Variants in NDUFS4 observed in about 807,000 individuals in gnomAD.
The protein encoded by NDUFS4 is NADH:ubiquinone oxidoreductase subunit S4.
NDUFS4 carries 28 observed loss-of-function variants against 24.3 expected under a neutral mutation model. That is an observed-to-expected ratio of 1.15 (90% CI 0.85 to 1.58). The LOEUF is 1.58. NDUFS4 is among the 40% of genes most tolerant of loss of function. The probability of loss-of-function intolerance (pLI) is 0.00; values close to 1 mark genes in which losing one functional copy is unlikely to be tolerated. For synonymous variants in NDUFS4, 93 were observed against 69.7 expected, an observed-to-expected ratio of 1.34 and a Z score of -1.67; for missense variants, 223 against 207.9, an observed-to-expected ratio of 1.07 and a Z score of -0.45.
intron 3 of NDUFS4, among the ~76,000 whole-genome samples, chr5:53,655,773 G>A (rs1752143707): frequency 6.6e-6 from 1 of 152,108 alleles, no homozygotes; most frequent in Admixed American, 6.5e-5. Flanking sequence ...TGCATCATTG[G>A]AGTGGATCTG....
chr5:53,592,864 T>C (rs62371563), intron 1 of NDUFS4, among the ~76,000 whole-genome samples: 4,619 of 152,312 alleles, frequency 0.03, 93 homozygotes, highest in African/African-American at 0.052. Flanking sequence ...CTTTTGTCTT[T>C]CCATATGAAT....
At position 53,585,723 on chromosome 5, in the gene NDUFS4, CAA is replaced by C. The variant is rs546564125; in HGVS notation, c.99-17728_99-17727del. On this transcript the variant is annotated intron_variant, in intron 1 of 4. Coordinates refer to ENST00000296684, the MANE Select transcript of NDUFS4 (RefSeq NM_002495.4). ...CGCCATTGCACTCCAGTGTGGGCAA[CAA>C]GAGCGTAACTCCGTCTCAAAAAAAA... 1.9e-4 allele frequency among the ~76,000 whole-genome samples: 28 copies of C among 148,752 alleles called. No individual in the cohort carries two copies. The South Asian group carries it at 5.7e-3, about 30-fold the overall frequency.
chr5:53,586,804 T>C (rs1749772677), intron 1 of NDUFS4, among the ~76,000 whole-genome samples: 1 of 152,084 alleles, frequency 6.6e-6, no homozygotes, highest in Non-Finnish European at 1.5e-5. Context: ...ATTACAGGCG[T>C]GAGCCACCGT....
intron 1 of NDUFS4, among the ~76,000 whole-genome samples, chr5:53,574,996 C>G (rs536582914): frequency 6.6e-6 from 1 of 152,288 alleles, no homozygotes; most frequent in African/African-American, 2.4e-5. Flanking sequence ...GAAGAACCCT[C>G]CTTCAGATTT....
At chr5:53,676,090 G>C (rs1046887286) in intron 4 of NDUFS4, among the ~76,000 whole-genome samples, 1 of 152,134 alleles carries the variant, frequency 6.6e-6, no homozygotes, top group East Asian at 1.9e-4. Context: ...TGATATAAGG[G>C]AGCCAGGCAA....
At chr5:53,583,563 T>C (rs1430168371) in intron 1 of NDUFS4, among the ~76,000 whole-genome samples, 1 of 152,228 alleles carries the variant, frequency 6.6e-6, no homozygotes, top group East Asian at 1.9e-4. Flanking sequence ...AAATAGAAGA[T>C]TATACATTCT....
intron 1 of NDUFS4, among the ~76,000 whole-genome samples, chr5:53,565,323 A>G (rs774546978): frequency 3.3e-5 from 5 of 152,264 alleles, no homozygotes; most frequent in Non-Finnish European, 4.4e-5. Context: ...ATAACAACCT[A>G]TGCTGACTCT....
intron 1 of NDUFS4, among the ~76,000 whole-genome samples, chr5:53,561,405 C>T (rs930033964): frequency 1.3e-5 from 2 of 152,036 alleles, no homozygotes; most frequent in South Asian, 4.1e-4. Context: ...TTGTTGAGGG[C>T]TCTTTGCGTC....
intron 2 of NDUFS4, among the ~76,000 whole-genome samples, chr5:53,642,263 C>G (rs1347654729): frequency 6.6e-6 from 1 of 152,050 alleles, no homozygotes; most frequent in Non-Finnish European, 1.5e-5. Flanking sequence ...AAAGGAGGTT[C>G]CTGTGGAGCA....
intron 4 of NDUFS4, 127 bp downstream of exon 4, chr5:53,658,751 T>C (rs1463338201): frequency 4.7e-6 from 3 of 635,912 alleles, no homozygotes; most frequent in South Asian, 2.0e-5. Flanking sequence ...ATCCAGTGGT[T>C]TCAGACTTTA....
intron 1 of NDUFS4, among the ~76,000 whole-genome samples, chr5:53,596,267 T>TAA (rs11432057): frequency 1.5e-4 from 23 of 150,216 alleles, no homozygotes; most frequent in East Asian, 9.9e-4. Flanking sequence ...CATATCCCTA[T>TAA]AAAAAAAAAC....
chr5:53,681,160 T>A (rs1402714025), intron 4 of NDUFS4, among the ~76,000 whole-genome samples: 1 of 152,120 alleles, frequency 6.6e-6, no homozygotes, highest in Non-Finnish European at 1.5e-5. Context: ...GTGCCTACTA[T>A]AAACCACAAG....
intron 1 of NDUFS4, among the ~76,000 whole-genome samples, chr5:53,565,168 G>T (rs1222433410): frequency 6.6e-6 from 1 of 152,236 alleles, no homozygotes; most frequent in Non-Finnish European, 1.5e-5. Context: ...GGTGGGGTCT[G>T]CTGTTTTAGC....
At position 53,665,244 on chromosome 5, in the gene NDUFS4, G is replaced by A. The variant is rs940301340; in HGVS notation, c.424+6620G>A. Among the ~76,000 whole-genome samples, 6 of 152,310 alleles carry A rather than the reference G, an allele frequency of 3.9e-5. No homozygotes were observed. In the East Asian group the frequency reaches 1.2e-3, roughly 29 times the overall value. On this transcript the variant is annotated intron_variant, in intron 4 of 4. Coordinates refer to ENST00000296684, the MANE Select transcript of NDUFS4 (RefSeq NM_002495.4). ...GAGGTGTCAGTCTGACCCTACTGGG[G>A]GGTGCCTCCCAGTTAGGCTACTCAG...
rs537299585 is a variant in NDUFS4, at chr5:53,634,960, G to A, written c.178-11273G>A. 7.9e-5 allele frequency among the ~76,000 whole-genome samples: 12 copies of A among 152,046 alleles called. No homozygotes were observed. In the East Asian group the frequency reaches 9.7e-4, roughly 12 times the overall value. ...TCCTAGCACTTTGGGAGGCCGAGGCGGGTAAATCACCTTGAGGTCAAGCGT... is the reference window on the plus strand; with the variant it reads ...TCCTAGCACTTTGGGAGGCCGAGGCAGGTAAATCACCTTGAGGTCAAGCGT... On this transcript the variant is annotated intron_variant, in intron 2 of 4. Coordinates refer to ENST00000296684, the MANE Select transcript of NDUFS4 (RefSeq NM_002495.4).
intron 4 of NDUFS4, among the ~76,000 whole-genome samples, chr5:53,664,042 T>A (rs1752431484): frequency 6.6e-6 from 1 of 152,218 alleles, no homozygotes; most frequent in African/African-American, 2.4e-5. Flanking sequence ...TTGCAAAATC[T>A]CTTTGCATTT....
At chr5:53,583,112 C>T (rs1579834985) in intron 1 of NDUFS4, among the ~76,000 whole-genome samples, 1 of 152,124 alleles carries the variant, frequency 6.6e-6, no homozygotes, top group South Asian at 2.1e-4. Flanking sequence ...TTCCTGACCT[C>T]ATGATCCGCC....
chr5:53,682,763 A>G (rs1049364175), intron 4 of NDUFS4, among the ~76,000 whole-genome samples: 1 of 152,122 alleles, frequency 6.6e-6, no homozygotes, highest in African/African-American at 2.4e-5. Context: ...TATAATGTTC[A>G]TCGCTCTTCA....
intron 2 of NDUFS4, among the ~76,000 whole-genome samples, chr5:53,604,297 A>G (rs1205476853): frequency 6.6e-6 from 1 of 152,132 alleles, no homozygotes; most frequent in Non-Finnish European, 1.5e-5. Context: ...GTATTTTATC[A>G]CTCAACTTTG....
Sources: gnomAD v4.1 joint callset for allele counts (sites outside exome capture counted in the v4.1 genomes callset) on GRCh38, gnomAD v4.1.1 for gene constraint, MANE v1.5 for transcripts, NCBI Gene and HGNC (gene_info 2026-07-23, HGNC 2026-07-21) for gene names.